The following PLEKHA4 variants were observed in gnomAD, a reference collection of about 807,000 sequenced individuals.
PLEKHA4 encodes the protein pleckstrin homology domain containing A4, also known as pleckstrin homology domain-containing family A member 4.
Under a neutral mutation model 94.7 loss-of-function variants are expected in PLEKHA4, and 73 were observed. The ratio of observed to expected loss-of-function variants is 0.77; its 90% CI spans 0.64 to 0.94. The LOEUF is 0.94. Among genes scored for constraint, PLEKHA4 ranks in the 40% least tolerant of loss-of-function variants. The pLI, the probability that PLEKHA4 is intolerant of heterozygous loss-of-function variation, is 0.00. For missense variants in PLEKHA4, 1,049 were observed against 1,054.1 expected (o/e 1.00, Z 0.07); for synonymous variants, 449 against 437.1 (o/e 1.03, Z -0.34).
At chr19:48,859,339 G>T in intron 7 of PLEKHA4, 130 bp downstream of exon 7, 1 of 1,037,686 alleles carries the variant, frequency 9.6e-7, no homozygotes, top group Non-Finnish European at 1.4e-6. Flanking sequence ...TCCCCGACAG[G>T]CTGTGACCCC....
intron 3 of PLEKHA4, among the ~76,000 whole-genome samples, chr19:48,862,176 G>C (rs1242055114): frequency 1.3e-5 from 2 of 150,812 alleles, no homozygotes; most frequent in South Asian, 2.1e-4. Context: ...GAATAGAATA[G>C]TAGCCCTACT....
chr19:48,857,457 G>A lies in PLEKHA4; in HGVS notation c.1012C>T (p.Arg338Trp), dbSNP rs201722692. ...ATGGAGGCCCGGGTCCCAGGGGGCC[G>A]CGGGGGGAGCTGGAGATAAGTGGGG... ...GSPTYLQLPP[R>W]PPGTRASMVL... The change falls in exon 9 of 20, where the codon CGG becomes TGG. Residue 338 changes from arginine to tryptophan, a missense_variant. Arg to Trp is a moderately radical substitution (Grantham distance 101). Coordinates refer to ENST00000263265, the MANE Select transcript of PLEKHA4 (RefSeq NM_020904.3). 392 of 1,563,902 alleles carry A rather than the reference G, an allele frequency of 2.5e-4. 1 individual carries two copies. The highest frequency in any genetic ancestry group is 4.1e-5 in the Admixed American group (2 of 49,126).
intron 3 of PLEKHA4, among the ~76,000 whole-genome samples, chr19:48,864,768 T>C (rs756161945): frequency 6.6e-6 from 1 of 151,524 alleles, no homozygotes; most frequent in Non-Finnish European, 1.5e-5. Context: ...ATGAGGTTTC[T>C]TCATGTTGCC....
chr19:48,838,840 C>T (rs997048222), intron 18 of PLEKHA4, among the ~76,000 whole-genome samples: 1 of 151,658 alleles, frequency 6.6e-6, no homozygotes, highest in African/African-American at 2.4e-5. Context: ...ACCCGGGTAC[C>T]GCACGTGCCT....
intron 16 of PLEKHA4, chr19:48,844,473 T>A: frequency 1.0e-6 from 1 of 985,158 alleles, no homozygotes; most frequent in Non-Finnish European, 1.2e-6. Flanking sequence ...TGCTTTTAAA[T>A]CTATTTGATC....
At chr19:48,864,558 C>T (rs545729713) in intron 3 of PLEKHA4, among the ~76,000 whole-genome samples, 2 of 152,070 alleles carry the variant, frequency 1.3e-5, no homozygotes, top group African/African-American at 4.8e-5. Context: ...CATCATATTC[C>T]GTTTTTTTGT....
In PLEKHA4 at chr19:48,841,212, G is replaced by C; in HGVS notation, c.1842C>G (p.Pro614=). 1 of 1,613,262 alleles carries C rather than the reference G, an allele frequency of 6.2e-7. No individual in the cohort carries two copies. Among genetic ancestry groups the C allele is most frequent in the South Asian group, 1.1e-5 (1 of 90,876 alleles). ...CGRPFPRPTS[P]RLLTLGRTLS... ...GTGTCCTTCCCAGGGTGAGAAGCCG[G>C]GGGGAGGTCGGGCGAGGGAAGGGCC... The change falls in exon 17 of 20, where the codon CCC becomes CCG. Residue 614 remains proline, a synonymous_variant. Transcript: ENST00000263265.
In PLEKHA4 at chr19:48,847,940, G is replaced by A. The variant is rs544841441; in HGVS notation, c.1526C>T (p.Pro509Leu). 2 of 1,604,144 alleles carry A rather than the reference G, an allele frequency of 1.2e-6. No individual in the cohort carries two copies. The highest frequency in any genetic ancestry group is 4.5e-5 in the East Asian group (2 of 44,618). The change falls in exon 14 of 20, where the codon CCA becomes CTA. Residue 509 changes from proline (P) to leucine (L), a missense_variant. Transcript: ENST00000263265. ...CTCCTCGCCCTGGAGCACGGGAGATGGGGAGTCAGGCTCAGTGTGTGGGGG... is the reference window on the plus strand; with the variant it reads ...CTCCTCGCCCTGGAGCACGGGAGATAGGGAGTCAGGCTCAGTGTGTGGGGG... ...KPPPHTEPDS[P>L]SPVLQGEESS...
At position 48,859,455 on chromosome 19, in the gene PLEKHA4, T is replaced by G; in HGVS notation, c.692+14A>C. On this transcript the variant is annotated intron_variant, in intron 7 of 19. Coordinates refer to ENST00000263265, the MANE Select transcript of PLEKHA4 (RefSeq NM_020904.3). ...CTCTTAGGCCACGCCCACAACCATG[T>G]CCTCCCTACTCACTCGGGGCTCCTC... 1 of 1,612,778 alleles carries G rather than the reference T, an allele frequency of 6.2e-7. No individual in the cohort carries two copies. The highest frequency in any genetic ancestry group is 1.7e-5 in the Admixed American group (1 of 59,740).
intron 17 of PLEKHA4, among the ~76,000 whole-genome samples, chr19:48,839,960 T>G: frequency 6.8e-6 from 1 of 147,796 alleles, no homozygotes; most frequent in South Asian, 2.1e-4. Flanking sequence ...AAAAAAAAAT[T>G]AGCAGGGTGT....
At chr19:48,851,368 G>A (rs1055796826) in intron 13 of PLEKHA4, among the ~76,000 whole-genome samples, 3 of 152,120 alleles carry the variant, frequency 2.0e-5, no homozygotes, top group African/African-American at 2.4e-5. Flanking sequence ...TGTAATCCCA[G>A]CACTTTGGGA....
In PLEKHA4 at chr19:48,846,751, G is replaced by C. The variant is rs10408963; in HGVS notation, c.1567-1135C>G. Among the ~76,000 whole-genome samples, 852 of 152,256 alleles carry C rather than the reference G, an allele frequency of 5.6e-3. 7 individuals are homozygous for C. Among genetic ancestry groups the C allele is most frequent in the African/African-American group, 0.02 (812 of 41,552 alleles). ...CCACTGCACTCCAGCCTGGGTGACA[G>C]AGCAAGACCCTGTCTCCAAAAAAAC... On this transcript the variant is annotated intron_variant, in intron 14 of 19. Transcript: ENST00000263265.
intron 9 of PLEKHA4, among the ~76,000 whole-genome samples, chr19:48,854,867 G>A (rs1179394633): frequency 6.6e-6 from 1 of 151,474 alleles, no homozygotes; most frequent in Non-Finnish European, 1.5e-5. Context: ...TGCCAGCTAA[G>A]GTTGTTTGTT....
chr19:48,854,221 G>A lies in PLEKHA4; in HGVS notation c.1091C>T (p.Thr364Ile), dbSNP rs748582443. The A allele has an allele frequency of 1.2e-5, 20 of 1,614,040 alleles. No individual in the cohort carries two copies. Among genetic ancestry groups the A allele is most frequent in the Middle Eastern group, 3.3e-4 (2 of 6,062 alleles). Residue 364 changes from threonine to isoleucine, a missense_variant, in exon 10 of 20, where the codon ACA becomes ATA. Physicochemically the swap from Thr to Ile is moderately conservative, Grantham distance 89 (BLOSUM62 -1). Coordinates refer to ENST00000263265, the MANE Select transcript of PLEKHA4 (RefSeq NM_020904.3). Reference sequence around the variant, plus strand: ...ATTAGATCAGTGACAACTTACATCTGTCTCCAAGCTTTGGTGGAAAGTTGA... The same window carrying A: ...ATTAGATCAGTGACAACTTACATCTATCTCCAAGCTTTGGTGGAAAGTTGA... ...LESTFHQSLE[T>I]DTLLTKLCGQ...
intron 9 of PLEKHA4, among the ~76,000 whole-genome samples, chr19:48,856,133 T>C (rs2036396574): frequency 6.9e-6 from 1 of 144,624 alleles, no homozygotes; most frequent in Non-Finnish European, 1.5e-5. Flanking sequence ...ATCACGCCAT[T>C]GCACTCCAGC....
intron 12 of PLEKHA4, among the ~76,000 whole-genome samples, chr19:48,853,264 C>T (rs2036272737): frequency 6.6e-6 from 1 of 152,110 alleles, no homozygotes; most frequent in South Asian, 2.1e-4. Context: ...GGCGCAGTGG[C>T]TCATGCCTGT....
At chr19:48,853,954 C>G in intron 11 of PLEKHA4, 53 bp downstream of exon 11, 1 of 1,610,520 alleles carries the variant, frequency 6.2e-7, no homozygotes, top group Non-Finnish European at 8.5e-7. Context: ...TCAGGAAGGG[C>G]TCAGGGCAGG....
chr19:48,838,460 T>TA (rs34936332), intron 18 of PLEKHA4: 26,002 of 122,966 alleles, frequency 0.21, 3,634 homozygotes, highest in African/African-American at 0.41. Context: ...AATTAAAAAT[T>TA]AAAAAAAAAA....
chr19:48,842,305 C>G (rs970858831), intron 16 of PLEKHA4, among the ~76,000 whole-genome samples: 1 of 151,996 alleles, frequency 6.6e-6, no homozygotes, highest in South Asian at 2.1e-4. Context: ...CCCGCCACCA[C>G]GCCCAGCTAA....
Sources: allele counts gnomAD v4.1 joint callset (sites outside exome capture counted in the v4.1 genomes callset), GRCh38; gene constraint gnomAD v4.1.1; transcripts MANE v1.5; gene names NCBI Gene and HGNC (gene_info 2026-07-23, HGNC 2026-07-21).